DPP6: variants seen among roughly 807,000 people sequenced by gnomAD.
DPP6 encodes the protein A-type potassium channel modulatory protein DPP6.
A neutral mutation model predicts 122.6 loss-of-function variants in DPP6; 69 were observed. The observed-to-expected ratio is 0.56, with a 90% CI of 0.46 to 0.69. The LOEUF is 0.69. Among genes scored for constraint, DPP6 ranks in the 30% least tolerant of loss-of-function variants. The probability of loss-of-function intolerance (pLI) is 0.00; values close to 1 mark genes in which losing one functional copy is unlikely to be tolerated. For synonymous variants in DPP6, 418 were observed against 433.1 expected (o/e 0.97, Z 0.43); for missense variants, 928 against 1,116.9 (o/e 0.83, Z 2.41).
Position 154,887,738 on chromosome 7 carries a change from T to C in DPP6, c.2304+4T>C, listed in dbSNP as rs1447260354. ...ACTTGACAACAGAGCATACGAGGTG[T>C]GTATGGGCACAACTAGAGAATGTGA... On this transcript the variant is annotated splice_donor_region_variant and intron_variant, in intron 23 of 25. Coordinates refer to ENST00000377770, the MANE Select transcript of DPP6 (RefSeq NM_130797.4). 4 of 1,613,468 alleles carry C rather than the reference T, an allele frequency of 2.5e-6. No homozygotes were observed. Among genetic ancestry groups the C allele is most frequent in the East Asian group, 2.2e-5 (1 of 44,886 alleles).
chr7:154,732,144 T>C (rs756536949), intron 8 of DPP6, among the ~76,000 whole-genome samples: 9 of 151,956 alleles, frequency 5.9e-5, no homozygotes, highest in Non-Finnish European at 1.0e-4. Flanking sequence ...GGTCACACCA[T>C]TCTCCTGCCT....
chr7:154,034,218 GTCAAATCCT>G (rs1239040925), intron 1 of DPP6, among the ~76,000 whole-genome samples: 2 of 152,166 alleles, frequency 1.3e-5, no homozygotes, highest in African/African-American at 4.8e-5. Context: ...GGTATACCTG[GTCAAATCCT>G]TCATAGCAAG....
intron 1 of DPP6, among the ~76,000 whole-genome samples, chr7:154,226,306 A>G (rs1800598425): frequency 6.8e-6 from 1 of 146,066 alleles, no homozygotes. Flanking sequence ...CGATCTGGAC[A>G]ATTTTTGTCT....
At chr7:154,295,818 G>A (rs1244178480) in intron 1 of DPP6, among the ~76,000 whole-genome samples, 4 of 152,030 alleles carry the variant, frequency 2.6e-5, no homozygotes, top group South Asian at 2.1e-4. Flanking sequence ...TATGTGTTTT[G>A]TGCGTATTTA....
At chr7:153,995,429 AC>A (rs748512109) in intron 1 of DPP6, among the ~76,000 whole-genome samples, 1 of 152,072 alleles carries the variant, frequency 6.6e-6, no homozygotes, top group East Asian at 1.9e-4. Flanking sequence ...TACTAAAAAT[AC>A]AAAAAATTAG....
chr7:153,890,923 C>T (rs1228795358), intron 1 of DPP6, among the ~76,000 whole-genome samples: 1 of 150,278 alleles, frequency 6.7e-6, no homozygotes, highest in Non-Finnish European at 1.5e-5. Context: ...GTCTTGAACC[C>T]CTGACCTCAG....
At chr7:153,996,928 T>TGAAGG (rs1797465716) in intron 1 of DPP6, among the ~76,000 whole-genome samples, 1 of 152,182 alleles carries the variant, frequency 6.6e-6, no homozygotes, top group Non-Finnish European at 1.5e-5. Flanking sequence ...ACCCCCATCA[T>TGAAGG]GAAGGTGCCC....
intron 1 of DPP6, among the ~76,000 whole-genome samples, chr7:153,980,872 A>C: frequency 6.6e-6 from 1 of 152,192 alleles, no homozygotes; most frequent in Admixed American, 6.5e-5. Context: ...TGAGTGTCTT[A>C]ATCCTGAGTT....
At chr7:154,285,464 CGT>C (rs956721796) in intron 1 of DPP6, among the ~76,000 whole-genome samples, 1 of 152,166 alleles carries the variant, frequency 6.6e-6, no homozygotes, top group African/African-American at 2.4e-5. Flanking sequence ...GGGGTTTCAC[CGT>C]GTTGGCCAGG....
At chr7:154,133,409 T>A (rs1340921972) in intron 1 of DPP6, among the ~76,000 whole-genome samples, 1 of 152,122 alleles carries the variant, frequency 6.6e-6, no homozygotes, top group Non-Finnish European at 1.5e-5. Flanking sequence ...TCATCCTTTG[T>A]TAGGAGATGT....
chr7:154,620,353 A>G (rs1183348839), intron 5 of DPP6, among the ~76,000 whole-genome samples: 2 of 152,210 alleles, frequency 1.3e-5, no homozygotes, highest in Non-Finnish European at 2.9e-5. Context: ...CGGCTTCCGA[A>G]TGCCACACAT....
chr7:154,095,555 A>C (rs1563195453), intron 1 of DPP6: 1 of 135,648 alleles, frequency 7.4e-6, no homozygotes, highest in Non-Finnish European at 1.6e-5. Context: ...ATAGAGTAAC[A>C]AGAAGTAGAA....
intron 1 of DPP6, among the ~76,000 whole-genome samples, chr7:154,125,721 C>T (rs4639428): frequency 0.44 from 66,744 of 151,892 alleles, 15,275 homozygotes; most frequent in Non-Finnish European, 0.51. Context: ...TGGCTAGAGG[C>T]GAGGGTGAAG....
At chr7:153,994,118 A>G (rs1388487998) in intron 1 of DPP6, among the ~76,000 whole-genome samples, 2 of 151,434 alleles carry the variant, frequency 1.3e-5, no homozygotes, top group Non-Finnish European at 1.5e-5. Flanking sequence ...GTTGAGTGAT[A>G]TAAGATCTAG....
chr7:154,297,868 G>A (rs138593619), intron 1 of DPP6, among the ~76,000 whole-genome samples: 8 of 152,258 alleles, frequency 5.3e-5, no homozygotes, highest in African/African-American at 2.4e-5. Flanking sequence ...GAGCGTGCAC[G>A]CTGACAGATG....
intron 1 of DPP6, among the ~76,000 whole-genome samples, chr7:154,198,233 C>T (rs1365018553): frequency 7.9e-5 from 12 of 152,152 alleles, no homozygotes; most frequent in East Asian, 3.8e-4. Flanking sequence ...AGTCACCCTT[C>T]GCCCATTCTG....
intron 2 of DPP6, among the ~76,000 whole-genome samples, chr7:154,449,261 G>A (rs1488390804): frequency 1.3e-5 from 2 of 151,976 alleles, no homozygotes; most frequent in Admixed American, 1.3e-4. Flanking sequence ...TTAAAAATAG[G>A]CAAAGGATTT....
intron 1 of DPP6, among the ~76,000 whole-genome samples, chr7:154,283,410 T>A (rs76396468): frequency 0.014 from 2,173 of 152,294 alleles, 33 homozygotes; most frequent in Middle Eastern, 0.027. Context: ...ACTATTAGAA[T>A]GCCTAGAACA....
intron 1 of DPP6, among the ~76,000 whole-genome samples, chr7:154,369,183 A>G (rs1812433638): frequency 6.6e-6 from 1 of 151,932 alleles, no homozygotes; most frequent in African/African-American, 2.4e-5. Flanking sequence ...GAAACCTCCA[A>G]CTCTGGGTTC....
Sources: allele counts gnomAD v4.1 joint callset (sites outside exome capture counted in the v4.1 genomes callset), GRCh38; gene constraint gnomAD v4.1.1; transcripts MANE v1.5; gene names NCBI Gene and HGNC (gene_info 2026-07-23, HGNC 2026-07-21).